KLHL32: variants seen among roughly 807,000 people sequenced by gnomAD.
The protein encoded by KLHL32 is kelch like family member 32, also known as kelch-like protein 32.
A neutral mutation model predicts 64.8 loss-of-function variants in KLHL32; 35 were observed. The observed-to-expected ratio is 0.54, with a 90% CI of 0.41 to 0.72. The LOEUF (loss-of-function observed/expected upper bound fraction) is 0.72. KLHL32 is among the 30% of genes least tolerant of loss of function. The probability of loss-of-function intolerance (pLI) is 0.00; values close to 1 mark genes in which losing one functional copy is unlikely to be tolerated. For missense variants in KLHL32, 589 were observed against 768.5 expected (o/e 0.77, Z 2.76); for synonymous variants, 259 against 281.0 (o/e 0.92, Z 0.78).
rs561867418 is a variant in KLHL32, at chr6:96,945,145, C to A, written c.-66+20119C>A. On this transcript the variant is annotated intron_variant, in intron 1 of 10. Transcript: ENST00000369261. ...CATTTCCTTGAGAGGTTGGATGCAG[C>A]TTCCATTACTTAATTTTTATTTATT... Among the ~76,000 whole-genome samples the A allele has an allele frequency of 1.1e-4, 16 of 152,300 alleles. 1 individual carries two copies. Among genetic ancestry groups the A allele is most frequent in the African/African-American group, 3.8e-4 (16 of 41,566 alleles).
At chr6:96,989,800 TA>T (rs1447527151) in intron 3 of KLHL32, among the ~76,000 whole-genome samples, 2 of 152,230 alleles carry the variant, frequency 1.3e-5, no homozygotes, top group African/African-American at 4.8e-5. Flanking sequence ...ACTCATTTTT[TA>T]AACTTTTGGC....
intron 3 of KLHL32, among the ~76,000 whole-genome samples, chr6:97,013,234 G>A (rs2128095033): frequency 6.6e-6 from 1 of 152,298 alleles, no homozygotes; most frequent in African/African-American, 2.4e-5. Context: ...TTAATATCCA[G>A]TGTATTTCAG....
chr6:97,027,190 G>A (rs1782852074), intron 3 of KLHL32, among the ~76,000 whole-genome samples: 2 of 151,776 alleles, frequency 1.3e-5, no homozygotes, highest in African/African-American at 4.8e-5. Context: ...AAAAGAAAAG[G>A]GATAACAGAT....
rs534163324 is a variant in KLHL32 at position 97,017,403 on chromosome 6, C to T, written c.205-24089C>T. Among the ~76,000 whole-genome samples the T allele has an allele frequency of 1.4e-4, 21 of 152,340 alleles. No homozygotes were observed. The South Asian group carries it at 3.7e-3, about 27-fold the overall frequency. On this transcript the variant is annotated intron_variant, in intron 3 of 10. Transcript: ENST00000369261. ...AATGCCCTCATCATTGGGAGAGTTG[C>T]TGCCCTTCTCTAACTATAGTTTGAG...
chr6:97,087,985 A>T (rs1793680713), intron 6 of KLHL32, among the ~76,000 whole-genome samples: 1 of 151,976 alleles, frequency 6.6e-6, no homozygotes, highest in Non-Finnish European at 1.5e-5. Context: ...ATGCCTTGGA[A>T]CTGTTCTTTT....
intron 3 of KLHL32, chr6:97,010,052 C>G (rs1161595212): frequency 7.1e-6 from 1 of 140,966 alleles, no homozygotes; most frequent in Non-Finnish European, 1.5e-5. Flanking sequence ...AATAAACAAA[C>G]TGAAATGGCC....
chr6:96,940,548 A>T (rs1461816632), intron 1 of KLHL32, among the ~76,000 whole-genome samples: 1 of 152,244 alleles, frequency 6.6e-6, no homozygotes, highest in African/African-American at 2.4e-5. Context: ...ATGGTGACTC[A>T]GAGACCAAAG....
At chr6:97,106,423 C>T (rs1351105862) in intron 6 of KLHL32, among the ~76,000 whole-genome samples, 1 of 151,940 alleles carries the variant, frequency 6.6e-6, no homozygotes, top group Non-Finnish European at 1.5e-5. Flanking sequence ...ATTTAGTTAA[C>T]AAGAAATAAT....
intron 7 of KLHL32, among the ~76,000 whole-genome samples, chr6:97,122,507 G>A (rs1012861111): frequency 2.0e-5 from 3 of 152,104 alleles, no homozygotes; most frequent in African/African-American, 7.2e-5. Flanking sequence ...TGTTCCTATG[G>A]TATTACTTTT....
rs1562168616 is a variant in KLHL32 at position 96,932,563 on chromosome 6, T to TC, written c.-66+7537_-66+7538insC. ...TGTACTGTTTCACAAAGTTGTCAAT[T>TC]TCCCCCCCCCCCTTTTTTTTTTTGA... On this transcript the variant is annotated intron_variant, in intron 1 of 10. Transcript: ENST00000369261. 1.5e-3 allele frequency among the ~76,000 whole-genome samples: 164 copies of TC among 111,206 alleles called. 2 individuals carry two copies. Among genetic ancestry groups the TC allele is most frequent in the African/African-American group, 6.0e-3 (141 of 23,580 alleles). 73.0% of individuals were successfully genotyped at this position (111,206 alleles called of 152,430 possible).
At chr6:96,976,276 C>G in intron 3 of KLHL32, 99 bp downstream of exon 3, 1 of 1,145,648 alleles carries the variant, frequency 8.7e-7, no homozygotes, top group South Asian at 1.7e-5. Flanking sequence ...AGGTGGTACC[C>G]CCAGAGCTGA....
At chr6:96,990,239 A>G (rs1040073458) in intron 3 of KLHL32, among the ~76,000 whole-genome samples, 2 of 152,082 alleles carry the variant, frequency 1.3e-5, no homozygotes, top group African/African-American at 2.4e-5. Flanking sequence ...CACAGTTACA[A>G]TTTGAGTACA....
chr6:97,120,575 T>C (rs900207258), intron 7 of KLHL32, among the ~76,000 whole-genome samples: 1 of 152,196 alleles, frequency 6.6e-6, no homozygotes, highest in Non-Finnish European at 1.5e-5. Flanking sequence ...ACTGGAATAG[T>C]CCAGAGAATC....
chr6:97,081,588 C>T (rs1237952785), intron 5 of KLHL32, among the ~76,000 whole-genome samples: 1 of 152,194 alleles, frequency 6.6e-6, no homozygotes, highest in Admixed American at 6.5e-5. Flanking sequence ...TCCTTCAACT[C>T]TCAGCATCAA....
chr6:97,081,934 T>A (rs1333447418), intron 5 of KLHL32, among the ~76,000 whole-genome samples: 1 of 152,188 alleles, frequency 6.6e-6, no homozygotes, highest in East Asian at 1.9e-4. Flanking sequence ...TTGCTGCACC[T>A]TAGGATGTGA....
At chr6:97,102,342 C>A (rs1019267651) in intron 6 of KLHL32, among the ~76,000 whole-genome samples, 2 of 152,154 alleles carry the variant, frequency 1.3e-5, no homozygotes, top group Non-Finnish European at 2.9e-5. Flanking sequence ...TGTTGTGACC[C>A]ACATGAGGTC....
chr6:97,096,422 A>T (rs1794998288), intron 6 of KLHL32, among the ~76,000 whole-genome samples: 1 of 152,212 alleles, frequency 6.6e-6, no homozygotes, highest in Non-Finnish European at 1.5e-5. Flanking sequence ...GAAAATAGAA[A>T]GTAGAAGCTT....
chr6:97,087,640 G>A (rs565103774), intron 6 of KLHL32, among the ~76,000 whole-genome samples: 3 of 152,164 alleles, frequency 2.0e-5, no homozygotes, highest in East Asian at 3.8e-4. Flanking sequence ...GGAGGGGGGC[G>A]TGCTATTTGA....
the KLHL32 span, among the ~76,000 whole-genome samples, chr6:96,899,266 A>G: frequency 3.9e-5 from 6 of 152,118 alleles, no homozygotes; most frequent in African/African-American, 1.4e-4. Context: ...CTGCTCCAAG[A>G]TTTCTATCTT....
Sources: gnomAD v4.1 joint callset for allele counts (sites outside exome capture counted in the v4.1 genomes callset) on GRCh38, gnomAD v4.1.1 for gene constraint, MANE v1.5 for transcripts, NCBI Gene and HGNC (gene_info 2026-07-23, HGNC 2026-07-21) for gene names.